PDZD2: variants seen among roughly 807,000 people sequenced by gnomAD.
The protein encoded by PDZD2 is PDZ domain-containing protein 2.
In PDZD2, 90 loss-of-function variants were observed where a neutral mutation model predicts 220.7. The ratio of observed to expected loss-of-function variants is 0.41; its 90% CI spans 0.34 to 0.49. The LOEUF (loss-of-function observed/expected upper bound fraction) is 0.49. Among genes scored for constraint, PDZD2 ranks in the 20% least tolerant of loss-of-function variants. The pLI is 0.28. For synonymous variants in PDZD2, 1,375 were observed against 1,450.5 expected, an observed-to-expected ratio of 0.95 and a Z score of 1.18; for missense variants, 3,174 against 3,608.5, an observed-to-expected ratio of 0.88 and a Z score of 3.08.
At chr5:31,656,674 C>A (rs1218152972) in intron 1 of PDZD2, among the ~76,000 whole-genome samples, 1 of 152,190 alleles carries the variant, frequency 6.6e-6, no homozygotes, top group Admixed American at 6.5e-5. Flanking sequence ...GAATACTTAG[C>A]TTTTAAGATT....
At chr5:31,930,174 A>C (rs1745131101) in intron 2 of PDZD2, among the ~76,000 whole-genome samples, 1 of 146,138 alleles carries the variant, frequency 6.8e-6, no homozygotes, top group Admixed American at 6.9e-5. Flanking sequence ...TTTTCTTTGT[A>C]CATTACCCAG....
intron 1 of PDZD2, among the ~76,000 whole-genome samples, chr5:31,658,895 A>G (rs1292189016): frequency 2.0e-5 from 3 of 152,200 alleles, no homozygotes; most frequent in Admixed American, 2.0e-4. Context: ...CTGGGATTAC[A>G]GGCGTGAGCC....
intron 1 of PDZD2, among the ~76,000 whole-genome samples, chr5:31,671,704 T>G (rs1746222767): frequency 6.6e-6 from 1 of 152,164 alleles, no homozygotes; most frequent in Non-Finnish European, 1.5e-5. Context: ...ACCCGCGGCC[T>G]CCACTAATGC....
intron 17 of PDZD2, among the ~76,000 whole-genome samples, chr5:32,073,568 C>G (rs143780049): frequency 3.4e-5 from 5 of 146,652 alleles, no homozygotes; most frequent in African/African-American, 1.3e-4. Context: ...CAACAGCACA[C>G]GTTTGAGTTA....
chr5:31,925,178 C>G (rs1310412965), intron 2 of PDZD2, among the ~76,000 whole-genome samples: 1 of 152,156 alleles, frequency 6.6e-6, no homozygotes. Flanking sequence ...GTAAAAAGAA[C>G]AAAGTCAGAA....
intron 1 of PDZD2, among the ~76,000 whole-genome samples, chr5:31,689,350 TATA>T (rs1243147213): frequency 1.4e-4 from 8 of 58,274 alleles, no homozygotes; most frequent in African/African-American, 7.4e-4. Flanking sequence ...TATATATATA[TATA>T]TTTTTTTTTT....
intron 2 of PDZD2, among the ~76,000 whole-genome samples, chr5:31,943,062 G>T (rs1317179552): frequency 6.6e-6 from 1 of 152,152 alleles, no homozygotes; most frequent in Non-Finnish European, 1.5e-5. Context: ...AATCAGCTGG[G>T]CGTGGTGGCA....
intron 6 of PDZD2, among the ~76,000 whole-genome samples, chr5:32,026,380 C>T (rs754617681): frequency 7.2e-5 from 11 of 152,070 alleles, no homozygotes; most frequent in Admixed American, 2.0e-4. Context: ...CAAAGCAATC[C>T]GCCCGCCTCC....
intron 7 of PDZD2, among the ~76,000 whole-genome samples, chr5:32,047,106 G>C (rs1455252168): frequency 6.6e-6 from 1 of 152,032 alleles, no homozygotes; most frequent in Admixed American, 6.6e-5. Flanking sequence ...CGATAAGAAA[G>C]ACATCCAATT....
At chr5:31,971,138 A>T (rs1466272387) in intron 2 of PDZD2, among the ~76,000 whole-genome samples, 2 of 152,220 alleles carry the variant, frequency 1.3e-5, no homozygotes, top group African/African-American at 4.8e-5. Context: ...CTGCTATAAC[A>T]AAAATACCAC....
chr5:32,040,777 C>T lies in PDZD2; in HGVS notation c.1519+3435C>T, dbSNP rs554973916. Among the ~76,000 whole-genome samples the T allele has an allele frequency of 4.2e-3, 604 of 143,990 alleles. 7 individuals are homozygous for T. Among genetic ancestry groups the T allele is most frequent in the African/African-American group, 0.015 (583 of 38,524 alleles). 94.5% of individuals were successfully genotyped at this position (143,990 alleles called of 152,430 possible). A position where few individuals can be genotyped will look rare whatever the true frequency, so the allele number is the denominator to read the frequency against. On this transcript the variant is annotated intron_variant, in intron 7 of 24. Transcript: ENST00000438447. ...GGAGGAAGTGAGGAGTGCCTCTGCC[C>T]GGCCGCCACCCCGTCTGGGAAGTGG... is the stretch of plus-strand genomic sequence containing the variant.
chr5:31,871,900 A>G (rs1738835373), intron 2 of PDZD2, among the ~76,000 whole-genome samples: 1 of 152,108 alleles, frequency 6.6e-6, no homozygotes, highest in African/African-American at 2.4e-5. Flanking sequence ...AACACAGCTC[A>G]TGGCAGCCTC....
chr5:31,837,942 A>G (rs1431722737), intron 2 of PDZD2, among the ~76,000 whole-genome samples: 1 of 152,188 alleles, frequency 6.6e-6, no homozygotes, highest in Non-Finnish European at 1.5e-5. Flanking sequence ...ACTAAGATGA[A>G]CAGCTAAAAA....
At chr5:31,658,861 C>T (rs1366571446) in intron 1 of PDZD2, among the ~76,000 whole-genome samples, 1 of 152,112 alleles carries the variant, frequency 6.6e-6, no homozygotes, top group Non-Finnish European at 1.5e-5. Context: ...CCTCGTGATC[C>T]GCCCGCCTCA....
chr5:31,857,333 G>T (rs905169095), intron 2 of PDZD2, among the ~76,000 whole-genome samples: 1 of 152,258 alleles, frequency 6.6e-6, no homozygotes, highest in Admixed American at 6.5e-5. Flanking sequence ...GTTATTATGA[G>T]AATTTATTTT....
chr5:31,660,891 G>A (rs1425493689), intron 1 of PDZD2, among the ~76,000 whole-genome samples: 2 of 152,124 alleles, frequency 1.3e-5, no homozygotes, highest in Admixed American at 6.6e-5. Context: ...TATGCCCAGT[G>A]AATTTTTTGT....
At chr5:32,102,532 G>T (rs1234521525) in intron 24 of PDZD2, among the ~76,000 whole-genome samples, 1 of 151,776 alleles carries the variant, frequency 6.6e-6, no homozygotes, top group Non-Finnish European at 1.5e-5. Context: ...CCAGGGTGAA[G>T]AGAAAACCTC....
intron 3 of PDZD2, among the ~76,000 whole-genome samples, chr5:31,987,123 CTG>C (rs1429183410): frequency 2.6e-5 from 4 of 152,100 alleles, no homozygotes; most frequent in African/African-American, 9.7e-5. Flanking sequence ...CTTTACTACT[CTG>C]AGAGTTTTTG....
At chr5:31,887,225 A>G (rs1740588802) in intron 2 of PDZD2, among the ~76,000 whole-genome samples, 1 of 152,182 alleles carries the variant, frequency 6.6e-6, no homozygotes, top group African/African-American at 2.4e-5. Flanking sequence ...CTAGGGGAAA[A>G]GCAGATTTTA....
Sources: allele counts gnomAD v4.1 joint callset (sites outside exome capture counted in the v4.1 genomes callset), GRCh38; gene constraint gnomAD v4.1.1; transcripts MANE v1.5; gene names NCBI Gene and HGNC (gene_info 2026-07-23, HGNC 2026-07-21).